Variants in NAALADL2 observed in about 807,000 individuals in gnomAD.
NAALADL2 encodes the protein N-acetylated alpha-linked acidic dipeptidase like 2, also known as inactive N-acetylated-alpha-linked acidic dipeptidase-like protein 2.
Under a neutral mutation model 87.2 loss-of-function variants are expected in NAALADL2, and 76 were observed. The observed-to-expected ratio is 0.87, with a 90% CI of 0.72 to 1.05. The LOEUF (loss-of-function observed/expected upper bound fraction) is 1.05, where lower values mean the gene tolerates loss of function less well. Ranked by LOEUF, NAALADL2 falls within the 50% of genes least tolerant of loss-of-function variation. The pLI, the probability that NAALADL2 is intolerant of heterozygous loss-of-function variation, is 0.00. For missense variants in NAALADL2, 1,089 were observed against 945.8 expected (o/e 1.15, Z -1.99); for synonymous variants, 354 against 331.0 (o/e 1.07, Z -0.75).
chr3:175,067,200 T>G (rs1441101937), intron 1 of NAALADL2, among the ~76,000 whole-genome samples: 1 of 152,102 alleles, frequency 6.6e-6, no homozygotes, highest in African/African-American at 2.4e-5. Flanking sequence ...AATTTATGAC[T>G]AAGTTCTCAA....
intron 13 of NAALADL2, among the ~76,000 whole-genome samples, chr3:175,782,894 G>A (rs1403860468): frequency 4.1e-5 from 6 of 147,214 alleles, no homozygotes; most frequent in Non-Finnish European, 7.4e-5. Flanking sequence ...AAGGTGTAAG[G>A]AAGGGATCCA....
chr3:174,710,722 G>T (rs1730549342), intron 2 of NAALADL2, among the ~76,000 whole-genome samples: 2 of 152,120 alleles, frequency 1.3e-5, no homozygotes, highest in South Asian at 4.1e-4. Context: ...CTAGCTGATA[G>T]CCAGCAAGGA....
intron 4 of NAALADL2, among the ~76,000 whole-genome samples, chr3:175,299,198 A>T (rs1055915229): frequency 6.6e-6 from 1 of 152,170 alleles, no homozygotes. Context: ...GAAGTCAGGT[A>T]GCGTGATGCC....
intron 1 of NAALADL2, among the ~76,000 whole-genome samples, chr3:175,026,932 T>G (rs576510948): frequency 6.6e-6 from 1 of 152,252 alleles, no homozygotes; most frequent in East Asian, 1.9e-4. Flanking sequence ...GAATTTGGCC[T>G]GCAGTCTTCC....
chr3:175,247,942 G>A (rs1748292171), intron 3 of NAALADL2, among the ~76,000 whole-genome samples: 1 of 152,136 alleles, frequency 6.6e-6, no homozygotes, highest in South Asian at 2.1e-4. Context: ...TTTCACTAAT[G>A]AGGACACTGA....
At chr3:175,101,171 T>C (rs1294123657) in intron 2 of NAALADL2, among the ~76,000 whole-genome samples, 1 of 152,220 alleles carries the variant, frequency 6.6e-6, no homozygotes, top group African/African-American at 2.4e-5. Context: ...GAAGTGTTGA[T>C]CACCAAAGTG....
In NAALADL2 at chr3:174,859,345, A is replaced by C; in HGVS notation, c.-63A>C. On this transcript the variant is annotated 5_prime_UTR_variant, in exon 1 of 14. Coordinates refer to ENST00000454872, the MANE Select transcript of NAALADL2 (RefSeq NM_207015.3). ...TACAGTAGAAAGTCAGAAGGTCACA[A>C]AGCTTGCAGGGTAAGTGACACAACT... 1.6e-6 allele frequency: 2 copies of C among 1,263,810 alleles called. No individual in the cohort carries two copies. Among genetic ancestry groups the C allele is most frequent in the South Asian group, 2.5e-5 (2 of 79,352 alleles). The allele number at this position is 1,263,810 out of a possible 1,614,324, so 78.3% of individuals were successfully genotyped here.
At chr3:175,557,983 A>T (rs1207433936) in intron 9 of NAALADL2, among the ~76,000 whole-genome samples, 1 of 152,028 alleles carries the variant, frequency 6.6e-6, no homozygotes, top group Admixed American at 6.6e-5. Context: ...TCACGAGGTC[A>T]GGAAATCGAG....
intron 2 of NAALADL2, among the ~76,000 whole-genome samples, chr3:174,647,630 C>T (rs571523141): frequency 6.6e-6 from 1 of 152,320 alleles, no homozygotes; most frequent in South Asian, 2.1e-4. Context: ...GGCCAATTTA[C>T]ACTGGGTGTG....
At chr3:174,566,035 G>T (rs948012495) in intron 2 of NAALADL2, among the ~76,000 whole-genome samples, 1 of 151,538 alleles carries the variant, frequency 6.6e-6, no homozygotes, top group Non-Finnish European at 1.5e-5. Context: ...TGCATGTCTT[G>T]TTTTTTATTC....
intron 2 of NAALADL2, among the ~76,000 whole-genome samples, chr3:174,728,262 T>C (rs1217294785): frequency 2.6e-5 from 4 of 151,996 alleles, no homozygotes; most frequent in Non-Finnish European, 5.9e-5. Context: ...TTGAAGCAAT[T>C]GTTGGGGTAT....
chr3:174,701,304 AT>A (rs1729534860), intron 2 of NAALADL2, among the ~76,000 whole-genome samples: 3 of 151,850 alleles, frequency 2.0e-5, no homozygotes, highest in Admixed American at 2.0e-4. Context: ...AGCACTGAAA[AT>A]TGTTGAGCAG....
In NAALADL2 at chr3:174,980,523, T is replaced by C. The variant is rs1248381379; in HGVS notation, c.44-116267T>C. 2.0e-5 allele frequency among the ~76,000 whole-genome samples: 3 copies of C among 152,076 alleles called. No homozygotes were observed. The East Asian group carries it at 5.8e-4, about 29-fold the overall frequency. ...GAGAATTGGCCTCTATAAAAATAAT[T>C]ATAATAGTAACCCAAAGCATTCAGG... On this transcript the variant is annotated intron_variant, in intron 1 of 13. Coordinates refer to ENST00000454872, the MANE Select transcript of NAALADL2 (RefSeq NM_207015.3).
At chr3:175,314,083 A>AAG (rs1208485810) in intron 4 of NAALADL2, among the ~76,000 whole-genome samples, 2 of 151,580 alleles carry the variant, frequency 1.3e-5, no homozygotes, top group East Asian at 1.9e-4. Context: ...AAAAAAAAAA[A>AAG]AAAAAAAGAA....
intron 2 of NAALADL2, among the ~76,000 whole-genome samples, chr3:174,570,276 A>C (rs1261779703): frequency 6.6e-6 from 1 of 152,018 alleles, no homozygotes; most frequent in African/African-American, 2.4e-5. Flanking sequence ...GTCTTGCAGC[A>C]AAAGCTTAGC....
intron 2 of NAALADL2, among the ~76,000 whole-genome samples, chr3:174,608,155 A>G (rs1353431079): frequency 6.6e-5 from 10 of 151,852 alleles, no homozygotes; most frequent in African/African-American, 1.2e-4. Context: ...TCTCTGGGAC[A>G]CATTCAAAGC....
intron 1 of NAALADL2, among the ~76,000 whole-genome samples, chr3:174,870,602 A>G (rs76817867): frequency 2.0e-5 from 3 of 151,086 alleles, no homozygotes; most frequent in African/African-American, 4.9e-5. Flanking sequence ...TAAAAAAAAA[A>G]CACAATTAGC....
intron 3 of NAALADL2, among the ~76,000 whole-genome samples, chr3:174,802,305 T>A (rs1225104462): frequency 1.3e-5 from 2 of 151,860 alleles, no homozygotes; most frequent in Non-Finnish European, 2.9e-5. Context: ...AAAAATAAAT[T>A]TCTAAGTACT....
intron 9 of NAALADL2, among the ~76,000 whole-genome samples, chr3:175,520,817 A>G (rs1460927742): frequency 6.6e-6 from 1 of 152,228 alleles, no homozygotes; most frequent in Non-Finnish European, 1.5e-5. Context: ...GCAGAGCATT[A>G]GAAGAGAGTG....
Sources: allele counts gnomAD v4.1 joint callset (sites outside exome capture counted in the v4.1 genomes callset), GRCh38; gene constraint gnomAD v4.1.1; transcripts MANE v1.5; gene names NCBI Gene and HGNC (gene_info 2026-07-23, HGNC 2026-07-21).